PECAM1: variants seen among roughly 807,000 people sequenced by gnomAD.
The protein encoded by PECAM1 is platelet endothelial cell adhesion molecule.
In PECAM1, 8 loss-of-function variants were observed where a neutral mutation model predicts 13.8. The ratio of observed to expected loss-of-function variants is 0.58; its 90% CI spans 0.34 to 1.05. The LOEUF is 1.05. Among genes scored for constraint, PECAM1 ranks in the 50% least tolerant of loss-of-function variants. PECAM1 has a pLI of 0.03. For missense variants in PECAM1, 304 were observed against 141.2 expected, an observed-to-expected ratio of 2.15 and a Z score of -5.84; for synonymous variants, 136 against 52.6, an observed-to-expected ratio of 2.58 and a Z score of -6.86.
Position 64,322,965 on chromosome 17 carries a change from C to T in PECAM1, c.*851G>A. ...CAGGTGATCCGCCCACCTCAGCCTC[C>T]TGAAGTGCTGGGATTACAGGCGTGA... On this transcript the variant is annotated 3_prime_UTR_variant, in exon 16 of 16. Transcript: ENST00000563924. 1.3e-6 allele frequency: 1 copy of T among 790,826 alleles called. No individual in the cohort carries two copies. 49.0% of individuals were successfully genotyped at this position (790,826 alleles called of 1,614,324 possible). A position where few individuals can be genotyped will look rare whatever the true frequency, so the allele number is the denominator to read the frequency against.
In PECAM1 at chr17:64,321,680, G is replaced by A. The variant is rs2034813822; in HGVS notation, c.*2136C>T. The A allele has an allele frequency of 1.4e-6, 1 of 689,760 alleles. No individual in the cohort carries two copies. Among genetic ancestry groups the A allele is most frequent in the Admixed American group, 4.0e-5 (1 of 24,700 alleles). The allele number at this position is 689,760 out of a possible 1,614,324, so 42.7% of individuals were successfully genotyped here. A position where few individuals can be genotyped will look rare whatever the true frequency, so the allele number is the denominator to read the frequency against. On this transcript the variant is annotated 3_prime_UTR_variant, in exon 16 of 16. Coordinates refer to ENST00000563924, the MANE Select transcript of PECAM1 (RefSeq NM_000442.5). ...GGAAGCTGAGATGGGAGGATCGCTT[G>A]AGCCCAGGGGTTCGAGGCTGCGGTG...
chr17:64,348,137 C>T, intron 13 of PECAM1, 123 bp downstream of exon 13: 1 of 413,418 alleles, frequency 2.4e-6, no homozygotes, highest in Non-Finnish European at 4.4e-6. Context: ...GTCTGCTAAT[C>T]ACTTCCTTTG....
intron 2 of PECAM1, chr17:64,390,055 G>GA (rs1178471564): frequency 6.4e-4 from 97 of 150,970 alleles, no homozygotes; most frequent in Non-Finnish European, 9.9e-4. Flanking sequence ...AAAAAAAAAG[G>GA]AAAAAAAAAA....
Position 64,334,770 on chromosome 17 carries a change from T to G in PECAM1, c.2165-5048A>C, listed in dbSNP as rs1336965336. 4.1e-3 allele frequency among the ~76,000 whole-genome samples: 626 copies of G among 152,032 alleles called. 5 individuals are homozygous for G. Among genetic ancestry groups the G allele is most frequent in the African/African-American group, 0.013 (524 of 41,472 alleles). ...GATCCGCCCGCCTTAGCCTCCCAAA[T>G]TGCTGGGATTACAGGCGTGAGCCAC... is the stretch of plus-strand genomic sequence containing the variant. On this transcript the variant is annotated intron_variant, in intron 14 of 15. Transcript: ENST00000563924.
In PECAM1 at chr17:64,390,748, C is replaced by A. The variant is rs1012071443; in HGVS notation, c.-83G>T. 4 of 407,328 alleles carry A rather than the reference C, an allele frequency of 9.8e-6. No individual in the cohort carries two copies. Among genetic ancestry groups the A allele is most frequent in the Non-Finnish European group, 1.8e-5 (4 of 227,178 alleles). The allele number at this position is 407,328 out of a possible 1,614,324, so 25.2% of individuals were successfully genotyped here. On this transcript the variant is annotated 5_prime_UTR_variant, in exon 1 of 16. Transcript: ENST00000563924. ...GCAGAAGGCACTGCCCACAAGTCACCGTTGAGAAACCCGCCCTGTGAAAAG... is the reference window on the plus strand; with the variant it reads ...GCAGAAGGCACTGCCCACAAGTCACAGTTGAGAAACCCGCCCTGTGAAAAG...
In PECAM1 at chr17:64,321,340, G is replaced by T; in HGVS notation, c.*2476C>A. On this transcript the variant is annotated 3_prime_UTR_variant, in exon 16 of 16. Transcript: ENST00000563924. ...CGGGGTTACGGCAGCTGCCGAGGAA[G>T]GCTAAAGCCAGCGTCCTGGATTCAG... 1 of 775,246 alleles carries T rather than the reference G, an allele frequency of 1.3e-6. No homozygotes were observed. The highest frequency in any genetic ancestry group is 1.6e-6 in the Non-Finnish European group (1 of 637,980). 48.0% of individuals were successfully genotyped at this position (775,246 alleles called of 1,614,324 possible).
At chr17:64,354,652 T>A (rs1369167805) in intron 9 of PECAM1, among the ~76,000 whole-genome samples, 4 of 152,178 alleles carry the variant, frequency 2.6e-5, no homozygotes, top group Non-Finnish European at 5.9e-5. Flanking sequence ...GTGTGCAACA[T>A]GTGGGTGTTA....
chr17:64,332,645 G>A (rs1325382045), intron 14 of PECAM1, among the ~76,000 whole-genome samples: 1 of 152,208 alleles, frequency 6.6e-6, no homozygotes, highest in South Asian at 2.1e-4. Flanking sequence ...CTCACAGGAT[G>A]GGTGGGGACT....
chr17:64,372,884 G>A (rs2036272587), intron 4 of PECAM1, among the ~76,000 whole-genome samples: 1 of 151,288 alleles, frequency 6.6e-6, no homozygotes, highest in Non-Finnish European at 1.5e-5. Context: ...GGGAGGCTGA[G>A]GCAGGTGGAT....
In PECAM1 at chr17:64,336,995, GAGAA is replaced by G. The variant is rs1199050193; in HGVS notation, c.2164+4635_2164+4638del. On this transcript the variant is annotated intron_variant, in intron 14 of 15. Coordinates refer to ENST00000563924, the MANE Select transcript of PECAM1 (RefSeq NM_000442.5). ...AGAAAAAGAAAAAGAGAGAGCGAGA[GAGAA>G]AGAAAGAGAGAGAGAGAAAGAGAGA... is the stretch of plus-strand genomic sequence containing the variant. Among the ~76,000 whole-genome samples the G allele has an allele frequency of 5.3e-5, 8 of 152,244 alleles. No individual in the cohort carries two copies. In the East Asian group the frequency reaches 1.5e-3, roughly 29 times the overall value.
intron 14 of PECAM1, among the ~76,000 whole-genome samples, chr17:64,330,925 T>C (rs1277825975): frequency 6.6e-6 from 1 of 152,166 alleles, no homozygotes; most frequent in Non-Finnish European, 1.5e-5. Context: ...ACTAAATAAT[T>C]GTTAAATGGA....
intron 4 of PECAM1, among the ~76,000 whole-genome samples, chr17:64,372,979 T>C (rs1347535226): frequency 6.6e-6 from 1 of 151,148 alleles, no homozygotes; most frequent in Admixed American, 6.6e-5. Context: ...CCAGGCGTGG[T>C]GGCACATGCC....
intron 10 of PECAM1, among the ~76,000 whole-genome samples, 161 bp from the exon 11 acceptor site, chr17:64,352,624 T>C (rs2035751667): frequency 6.6e-6 from 1 of 151,210 alleles, no homozygotes; most frequent in Non-Finnish European, 1.5e-5. Context: ...GGAAAACAAA[T>C]ATTTTTTGGC....
intron 6 of PECAM1, among the ~76,000 whole-genome samples, chr17:64,361,753 CA>C (rs61144320): frequency 5.4e-4 from 37 of 68,138 alleles, no homozygotes; most frequent in African/African-American, 1.9e-3. Flanking sequence ...AACTCCATCT[CA>C]AAAAAAAAAA....
intron 6 of PECAM1, among the ~76,000 whole-genome samples, chr17:64,360,890 G>A (rs2035960102): frequency 6.7e-6 from 1 of 149,240 alleles, no homozygotes; most frequent in African/African-American, 2.5e-5. Flanking sequence ...GGAGTGCACT[G>A]GTGCGATGAC....
At chr17:64,380,391 A>G (rs1390552936) in intron 2 of PECAM1, among the ~76,000 whole-genome samples, 4 of 152,090 alleles carry the variant, frequency 2.6e-5, no homozygotes, top group African/African-American at 9.7e-5. Flanking sequence ...TTTGGAAAAA[A>G]ATGTACTGAA....
intron 14 of PECAM1, among the ~76,000 whole-genome samples, chr17:64,331,879 G>C (rs1472703250): frequency 6.6e-6 from 1 of 152,226 alleles, no homozygotes; most frequent in East Asian, 1.9e-4. Context: ...TGTTCTCGAA[G>C]GTGGTGGAGG....
chr17:64,335,048 T>G (rs1404188221), intron 14 of PECAM1, among the ~76,000 whole-genome samples: 1 of 152,086 alleles, frequency 6.6e-6, no homozygotes, highest in Non-Finnish European at 1.5e-5. Flanking sequence ...CAGCTGCGTG[T>G]GGACACCTGT....
chr17:64,387,921 C>A (rs2036633227), intron 2 of PECAM1, among the ~76,000 whole-genome samples: 1 of 152,190 alleles, frequency 6.6e-6, no homozygotes, highest in Non-Finnish European at 1.5e-5. Flanking sequence ...CCACGCACTG[C>A]AAATGCTGGC....
Sources: allele counts gnomAD v4.1 joint callset (sites outside exome capture counted in the v4.1 genomes callset), GRCh38; gene constraint gnomAD v4.1.1; transcripts MANE v1.5; gene names NCBI Gene and HGNC (gene_info 2026-07-23, HGNC 2026-07-21).